ZSCAN4: variants seen among roughly 807,000 people sequenced by gnomAD.
ZSCAN4 encodes the protein zinc finger and SCAN domain containing 4.
ZSCAN4 carries 18 observed loss-of-function variants against 18.3 expected under a neutral mutation model. That is an observed-to-expected ratio of 0.98 (90% confidence interval 0.68 to 1.46). ZSCAN4 has a LOEUF of 1.46. ZSCAN4 is among the 40% of genes most tolerant of loss of function. ZSCAN4 has a pLI of 0.00. For synonymous variants in ZSCAN4, 193 were observed against 180.3 expected, an observed-to-expected ratio of 1.07 and a Z score of -0.57; for missense variants, 498 against 511.4, an observed-to-expected ratio of 0.97 and a Z score of 0.25.
chr19:57,662,945 C>T, the ZSCAN4 span, among the ~76,000 whole-genome samples: 19 of 151,856 alleles, frequency 1.3e-4, no homozygotes, highest in African/African-American at 4.4e-4. Context: ...TAGAGTGGCA[C>T]GATCTCAGCT....
intron 2 of ZSCAN4, among the ~76,000 whole-genome samples, chr19:57,674,955 A>AG (rs1231118199): frequency 5.6e-5 from 7 of 125,478 alleles, no homozygotes; most frequent in Admixed American, 1.7e-4. Flanking sequence ...TTTCACATCA[A>AG]GTTTTTTTTT....
At chr19:57,654,972 C>T in the ZSCAN4 span, among the ~76,000 whole-genome samples, 3 of 152,190 alleles carry the variant, frequency 2.0e-5, no homozygotes, top group Admixed American at 2.0e-4. Context: ...TGTAGCCCCT[C>T]CCTTAACCTA....
the ZSCAN4 span, among the ~76,000 whole-genome samples, chr19:57,659,521 A>G: frequency 9.2e-5 from 14 of 152,180 alleles, no homozygotes; most frequent in African/African-American, 2.9e-4. Flanking sequence ...TCTGCCTCCC[A>G]AAGTGCTGGT....
chr19:57,676,401 CTA>C lies in ZSCAN4; in HGVS notation c.258_259del (p.Leu87SerfsTer13). On this transcript the variant is annotated frameshift_variant, in exon 3 of 5. Transcript: ENST00000318203. LOFTEE classifies it high-confidence loss of function. ...GCACAGCAAGGATGAAATTATTTCT[CTA>C]TTAGTCCTGGAGCAGTTTATGATTG... 1 of 1,614,198 alleles carries C rather than the reference CTA, an allele frequency of 6.2e-7. No individual in the cohort carries two copies. The highest frequency in any genetic ancestry group is 8.5e-7 in the Non-Finnish European group (1 of 1,180,038).
rs1984176049 is a variant in ZSCAN4, at chr19:57,676,168, T to C, written c.23T>C (p.Ile8Thr). Reference sequence around the variant, plus strand: ...AGAATGGCTTTAGATCTAAGAACCATATTTCAGTGTGAACCATCCGAGAAT... The same window carrying C: ...AGAATGGCTTTAGATCTAAGAACCACATTTCAGTGTGAACCATCCGAGAAT... The change falls in exon 3 of 5, where the codon ATA (isoleucine) becomes ACA (threonine). Residue 8 changes from isoleucine to threonine, a missense_variant. By Grantham distance (89) the Ile-to-Thr change is moderately conservative. Coordinates refer to ENST00000318203, the Ensembl canonical transcript of ZSCAN4. 1.9e-6 allele frequency: 3 copies of C among 1,612,460 alleles called. No homozygotes were observed. Among genetic ancestry groups the C allele is most frequent in the Non-Finnish European group, 2.5e-6 (3 of 1,179,406 alleles).
the ZSCAN4 span, among the ~76,000 whole-genome samples, chr19:57,658,130 G>A: frequency 6.6e-6 from 1 of 152,188 alleles, no homozygotes; most frequent in Non-Finnish European, 1.5e-5. Context: ...ATGGGTAACT[G>A]TGTTACATTT....
the ZSCAN4 span, among the ~76,000 whole-genome samples, chr19:57,652,207 C>T: frequency 6.6e-6 from 1 of 152,164 alleles, no homozygotes; most frequent in South Asian, 2.1e-4. Flanking sequence ...ACCTCAAAAC[C>T]CTGGGCTTGG....
chr19:57,670,347 C>T (rs1983980929), exon 2 of ZSCAN4: 1 of 151,250 alleles, frequency 6.6e-6, no homozygotes, highest in Non-Finnish European at 1.5e-5. Flanking sequence ...CCAATCACGT[C>T]TTTAAATCAA....
At chr19:57,672,506 T>C (rs1381514784) in intron 2 of ZSCAN4, among the ~76,000 whole-genome samples, 2 of 152,160 alleles carry the variant, frequency 1.3e-5, no homozygotes, top group East Asian at 3.8e-4. Context: ...ATATTTAAGG[T>C]GTACAATGTG....
intron 3 of ZSCAN4, among the ~76,000 whole-genome samples, 189 bp downstream of exon 3, chr19:57,676,730 G>A (rs1984202169): frequency 6.6e-6 from 1 of 152,108 alleles, no homozygotes; most frequent in African/African-American, 2.4e-5. Flanking sequence ...AAAGCAAAAA[G>A]GTATATATCT....
exon 5 of ZSCAN4, chr19:57,678,939 G>C (rs1262439414): frequency 6.5e-7 from 1 of 1,529,914 alleles, no homozygotes; most frequent in African/African-American, 1.4e-5. Context: ...AAATATGTAT[G>C]CAAGTATGTA....
chr19:57,656,690 G>A, the ZSCAN4 span, among the ~76,000 whole-genome samples: 1 of 152,236 alleles, frequency 6.6e-6, no homozygotes, highest in East Asian at 1.9e-4. Flanking sequence ...AAAAATATTT[G>A]TGAAACCTCT....
upstream of ZSCAN4, among the ~76,000 whole-genome samples, chr19:57,667,906 GT>G (rs1364867083): frequency 6.6e-6 from 1 of 151,310 alleles, no homozygotes; most frequent in African/African-American, 2.4e-5. Flanking sequence ...TTGTTTGTTT[GT>G]TTGTTTGTTT....
chr19:57,672,533 A>C (rs953601392), intron 2 of ZSCAN4, among the ~76,000 whole-genome samples: 2 of 152,088 alleles, frequency 1.3e-5, no homozygotes, highest in African/African-American at 4.8e-5. Context: ...CTCTCTCTAT[A>C]TATATGTATA....
upstream of ZSCAN4, among the ~76,000 whole-genome samples, chr19:57,667,869 T>G (rs1983898153): frequency 7.7e-6 from 1 of 130,486 alleles, no homozygotes; most frequent in East Asian, 2.3e-4. Context: ...TGTCTACATT[T>G]TTCATTGTTT....
chr19:57,662,171 A>G, the ZSCAN4 span, among the ~76,000 whole-genome samples: 3 of 152,140 alleles, frequency 2.0e-5, no homozygotes, highest in African/African-American at 7.2e-5. Flanking sequence ...AATAAAAGAA[A>G]CATAAAATTT....
Position 57,678,237 on chromosome 19 carries a change from C to T in ZSCAN4, c.634C>T (p.Gln212Ter), listed in dbSNP as rs200202801. 2.2e-5 allele frequency: 35 copies of T among 1,614,022 alleles called. No individual in the cohort carries two copies. Among genetic ancestry groups the T allele is most frequent in the Non-Finnish European group, 2.5e-5 (29 of 1,180,040 alleles). ...TCGAGTAAATGAAAATATTACTAAT[C>T]AAGGCAATCAAATAGTTTCCCTAAT... Residue 212 changes from glutamine to a stop codon, truncating the protein, a stop_gained, in exon 5 of 5, where the codon CAA becomes TAA. Transcript: ENST00000318203. LOFTEE classifies it low-confidence loss of function (END_TRUNC).
At chr19:57,662,236 A>T in the ZSCAN4 span, among the ~76,000 whole-genome samples, 1 of 152,182 alleles carries the variant, frequency 6.6e-6, no homozygotes, top group African/African-American at 2.4e-5. Flanking sequence ...ACAAGCTACA[A>T]TTAAAATAAG....
chr19:57,660,021 C>T, the ZSCAN4 span, among the ~76,000 whole-genome samples: 2 of 152,106 alleles, frequency 1.3e-5, no homozygotes, highest in African/African-American at 2.4e-5. Context: ...ATAACCACTT[C>T]CCAGCAAAAA....
Sources: gnomAD v4.1 joint callset for allele counts (sites outside exome capture counted in the v4.1 genomes callset) on GRCh38, gnomAD v4.1.1 for gene constraint, MANE v1.5 for transcripts, NCBI Gene and HGNC (gene_info 2026-07-23, HGNC 2026-07-21) for gene names.